MARCHF1: variants seen among roughly 807,000 people sequenced by gnomAD.
MARCHF1 encodes the protein membrane associated ring-CH-type finger 1, also known as E3 ubiquitin-protein ligase MARCHF1.
MARCHF1 carries 40 observed loss-of-function variants against 54.2 expected under a neutral mutation model. The observed-to-expected ratio is 0.74, with a 90% CI of 0.57 to 0.96. The LOEUF is 0.96. MARCHF1 is among the 40% of genes least tolerant of loss of function. MARCHF1 has a pLI of 0.00. For synonymous variants in MARCHF1, 236 were observed against 236.3 expected, an observed-to-expected ratio of 1.00 and a Z score of 0.01; for missense variants, 586 against 656.5, an observed-to-expected ratio of 0.89 and a Z score of 1.17.
intron 1 of MARCHF1, among the ~76,000 whole-genome samples, chr4:164,187,026 C>CT (rs55754853): frequency 0.54 from 79,474 of 147,768 alleles, 21,210 homozygotes; most frequent in South Asian, 0.63. Context: ...CTGAAGCAAT[C>CT]TTTTTTTTTT....
chr4:164,055,273 A>C (rs1754465031), intron 2 of MARCHF1: 1 of 152,064 alleles, frequency 6.6e-6, no homozygotes, highest in Admixed American at 6.6e-5. Flanking sequence ...CTGAAACCCC[A>C]TCTGTACCAA....
At chr4:163,815,003 G>A (rs982833378) in intron 4 of MARCHF1, among the ~76,000 whole-genome samples, 2 of 152,076 alleles carry the variant, frequency 1.3e-5, no homozygotes, top group African/African-American at 4.8e-5. Flanking sequence ...GGCCATAAAT[G>A]CCAGCTTCAG....
chr4:164,118,585 A>G (rs1755991016), intron 1 of MARCHF1, among the ~76,000 whole-genome samples: 1 of 151,622 alleles, frequency 6.6e-6, no homozygotes, highest in Non-Finnish European at 1.5e-5. Flanking sequence ...CAAATATATG[A>G]TATCAGTCAG....
At chr4:163,597,711 A>T (rs1011902887) in intron 7 of MARCHF1, among the ~76,000 whole-genome samples, 25 of 152,118 alleles carry the variant, frequency 1.6e-4, no homozygotes, top group African/African-American at 5.6e-4. Context: ...TAATTAATAG[A>T]TTCATGAATA....
At chr4:163,797,390 T>C (rs1033492007) in intron 4 of MARCHF1, among the ~76,000 whole-genome samples, 8 of 151,712 alleles carry the variant, frequency 5.3e-5, no homozygotes, top group Non-Finnish European at 8.8e-5. Context: ...CCATGTGAGA[T>C]TTTTTGGGCT....
intron 1 of MARCHF1, among the ~76,000 whole-genome samples, chr4:164,358,068 G>A (rs1453283854): frequency 1.3e-5 from 2 of 152,122 alleles, no homozygotes; most frequent in Non-Finnish European, 1.5e-5. Flanking sequence ...AATCACTCTT[G>A]AGGAAGGTGA....
chr4:163,784,185 C>A (rs1579284454), intron 4 of MARCHF1, among the ~76,000 whole-genome samples: 1 of 147,570 alleles, frequency 6.8e-6, no homozygotes, highest in East Asian at 2.0e-4. Flanking sequence ...CAATTGACAA[C>A]AATACCTCTT....
At chr4:163,751,805 C>CGTGTGTGTGTGT (rs72029488) in intron 4 of MARCHF1, among the ~76,000 whole-genome samples, 288 of 124,504 alleles carry the variant, frequency 2.3e-3, no homozygotes, top group African/African-American at 7.1e-3. Flanking sequence ...CACATGTGCA[C>CGTGTGTGTGTGT]GTGTGTGTGT....
chr4:164,121,627 A>G (rs1756068588), intron 1 of MARCHF1, among the ~76,000 whole-genome samples: 2 of 152,130 alleles, frequency 1.3e-5, no homozygotes, highest in Non-Finnish European at 2.9e-5. Context: ...AAGCACAATT[A>G]AAGATGAGAT....
chr4:163,867,189 A>G (rs2111206365), intron 3 of MARCHF1, among the ~76,000 whole-genome samples: 1 of 152,074 alleles, frequency 6.6e-6, no homozygotes, highest in South Asian at 2.1e-4. Flanking sequence ...GTCACCTCAT[A>G]AGCATAAACT....
At chr4:163,530,395 T>G (rs1195579941) in intron 9 of MARCHF1, 2 of 152,038 alleles carry the variant, frequency 1.3e-5, no homozygotes, top group Non-Finnish European at 2.9e-5. Context: ...AATGCAAACT[T>G]AGTAATCATG....
intron 1 of MARCHF1, among the ~76,000 whole-genome samples, chr4:164,196,327 A>C (rs1731257034): frequency 6.6e-6 from 1 of 152,174 alleles, no homozygotes; most frequent in Non-Finnish European, 1.5e-5. Context: ...ATGATTTTGC[A>C]TGATTTAAAT....
intron 4 of MARCHF1, among the ~76,000 whole-genome samples, chr4:163,762,289 T>C (rs1453558261): frequency 2.0e-5 from 3 of 152,176 alleles, no homozygotes; most frequent in Non-Finnish European, 4.4e-5. Context: ...AAACCAACTT[T>C]CATTATATTT....
At chr4:164,111,893 AG>A (rs796607017) in intron 1 of MARCHF1, among the ~76,000 whole-genome samples, 2 of 151,954 alleles carry the variant, frequency 1.3e-5, no homozygotes, top group African/African-American at 4.8e-5. Flanking sequence ...TTTCATAATA[AG>A]AAATAAACTG....
chr4:163,538,272 AACAGT>A (rs1316269655), intron 9 of MARCHF1, among the ~76,000 whole-genome samples: 2 of 152,198 alleles, frequency 1.3e-5, no homozygotes, highest in African/African-American at 4.8e-5. Context: ...GGTTAAAAGT[AACAGT>A]ATTTAAAAAA....
At position 163,724,936 on chromosome 4, in the gene MARCHF1, C is replaced by G. The variant is rs142676901; in HGVS notation, c.112-24073G>C. 7.5e-3 allele frequency among the ~76,000 whole-genome samples: 1,148 copies of G among 152,218 alleles called. 8 individuals carry two copies. The highest frequency in any genetic ancestry group is 0.021 in the South Asian group (103 of 4,822). The stretch of plus-strand genomic sequence containing the variant: ...CTTCCCTTGGCTAGGAAAGGGAATT[C>G]CCTGACCCCTTGCACTTCCCGGGTG... On this transcript the variant is annotated intron_variant, in intron 4 of 9. Transcript: ENST00000514618.
At chr4:163,589,651 C>T (rs754090917) in intron 7 of MARCHF1, among the ~76,000 whole-genome samples, 2 of 152,046 alleles carry the variant, frequency 1.3e-5, no homozygotes, top group Admixed American at 6.6e-5. Context: ...AAATCACAAT[C>T]GCTGAATTAT....
intron 5 of MARCHF1, among the ~76,000 whole-genome samples, chr4:163,644,268 G>T (rs544782506): frequency 5.3e-5 from 8 of 152,214 alleles, no homozygotes; most frequent in Admixed American, 5.2e-4. Context: ...ATGTACTGTT[G>T]TGGGAGCCTT....
chr4:163,996,840 A>G (rs1383735295), intron 2 of MARCHF1, among the ~76,000 whole-genome samples: 1 of 152,050 alleles, frequency 6.6e-6, no homozygotes, highest in Admixed American at 6.6e-5. Context: ...CCCACAAATC[A>G]AGGAACTACC....
Sources: gnomAD v4.1 joint callset for allele counts (sites outside exome capture counted in the v4.1 genomes callset) on GRCh38, gnomAD v4.1.1 for gene constraint, MANE v1.5 for transcripts, NCBI Gene and HGNC (gene_info 2026-07-23, HGNC 2026-07-21) for gene names.